PSD3: variants seen among roughly 807,000 people sequenced by gnomAD.
PSD3 encodes the protein PH and SEC7 domain-containing protein 3.
A neutral mutation model predicts 105.5 loss-of-function variants in PSD3; 49 were observed. That is an observed-to-expected ratio of 0.46 (90% CI 0.37 to 0.59). PSD3 has a LOEUF of 0.59. PSD3 is among the 20% of genes least tolerant of loss of function. PSD3 has a pLI of 0.00. For synonymous variants in PSD3, 557 were observed against 457.8 expected (o/e 1.22, Z -2.77); for missense variants, 1,561 against 1,263.8 (o/e 1.24, Z -3.57).
At chr8:18,752,627 A>C (rs1463244819) in intron 9 of PSD3, among the ~76,000 whole-genome samples, 1 of 74,366 alleles carries the variant, frequency 1.3e-5, no homozygotes, top group Non-Finnish European at 2.2e-5. Context: ...AATATATATT[A>C]TATATAATAT....
intron 9 of PSD3, among the ~76,000 whole-genome samples, chr8:18,693,449 C>G (rs1786681243): frequency 6.6e-6 from 1 of 152,196 alleles, no homozygotes; most frequent in African/African-American, 2.4e-5. Flanking sequence ...CTATATTTCA[C>G]TTAAAAACAG....
intron 10 of PSD3, among the ~76,000 whole-genome samples, chr8:18,646,617 T>A (rs1259252909): frequency 6.6e-6 from 1 of 151,916 alleles, no homozygotes; most frequent in Non-Finnish European, 1.5e-5. Context: ...AAAACTTAAA[T>A]GAAAGGCGAC....
chr8:19,037,496 G>T (rs1395515), intron 1 of PSD3, among the ~76,000 whole-genome samples: 12 of 152,274 alleles, frequency 7.9e-5, no homozygotes, highest in African/African-American at 2.9e-4. Flanking sequence ...CCACAAAGCT[G>T]GTAAAAAATT....
rs543781197 is a variant in PSD3 at position 18,990,010 on chromosome 8, C to T, written c.21+23553G>A. ...ATCTATGTCATTCTTCCTTTCCTTA[C>T]ACCCCATCAATCATCAGGTTCTGTT... On this transcript the variant is annotated intron_variant, in intron 1 of 15. Transcript: ENST00000327040. 2.0e-3 allele frequency among the ~76,000 whole-genome samples: 298 copies of T among 146,574 alleles called. 2 individuals carry two copies. The highest frequency in any genetic ancestry group is 3.5e-3 in the South Asian group (16 of 4,618).
chr8:18,541,620 C>G lies in PSD3; in HGVS notation c.2929-5662G>C, dbSNP rs1800153958. ...TCTGTTGTCAAGATGCCACACGTGTCAGATCCTCAACAGTGCACTGAGGTA... is the reference window on the plus strand; with the variant it reads ...TCTGTTGTCAAGATGCCACACGTGTGAGATCCTCAACAGTGCACTGAGGTA... On this transcript the variant is annotated intron_variant, in intron 15 of 15. Coordinates refer to ENST00000327040, the MANE Select transcript of PSD3 (RefSeq NM_015310.4). Among the ~76,000 whole-genome samples, 3 of 152,194 alleles carry G rather than the reference C, an allele frequency of 2.0e-5. No individual in the cohort carries two copies. In the South Asian group the frequency reaches 6.2e-4, roughly 32 times the overall value.
rs551387052 is a variant in PSD3, at chr8:18,549,571, C to T, written c.2928+6638G>A. 2.6e-5 allele frequency among the ~76,000 whole-genome samples: 4 copies of T among 152,268 alleles called. 1 individual carries two copies. The South Asian group carries it at 8.3e-4, about 32-fold the overall frequency. ...CTTCTCCACTGGACTCATGGATTCC[C>T]ACAAATGTACTCTTGTCTGTGGTAT... On this transcript the variant is annotated intron_variant, in intron 15 of 15. Coordinates refer to ENST00000327040, the MANE Select transcript of PSD3 (RefSeq NM_015310.4).
intron 11 of PSD3, among the ~76,000 whole-genome samples, chr8:18,604,668 C>G (rs148360631): frequency 1.3e-5 from 2 of 152,160 alleles, no homozygotes; most frequent in East Asian, 3.8e-4. Flanking sequence ...ATTTCAGAGA[C>G]CTTCACAGCA....
chr8:18,700,014 T>C (rs564119964), intron 9 of PSD3, among the ~76,000 whole-genome samples: 25 of 152,182 alleles, frequency 1.6e-4, no homozygotes, highest in Non-Finnish European at 3.1e-4. Context: ...ATAAAATTCC[T>C]GGGAAAAAAT....
chr8:18,566,971 C>T (rs577533334), intron 14 of PSD3, among the ~76,000 whole-genome samples: 20 of 152,240 alleles, frequency 1.3e-4, no homozygotes, highest in African/African-American at 4.6e-4. Context: ...TTCATTTTCA[C>T]GTACATATCA....
intron 2 of PSD3, among the ~76,000 whole-genome samples, chr8:18,933,953 C>A (rs1334374323): frequency 6.6e-6 from 1 of 152,168 alleles, no homozygotes; most frequent in East Asian, 1.9e-4. Context: ...GAAACACATT[C>A]TCCTCTAAAT....
intron 15 of PSD3, among the ~76,000 whole-genome samples, chr8:18,554,472 A>T (rs1485319791): frequency 1.3e-5 from 2 of 152,244 alleles, no homozygotes; most frequent in Non-Finnish European, 2.9e-5. Flanking sequence ...ACCAAAATAA[A>T]TAGTTCTCTT....
At chr8:19,069,087 C>T (rs921193788) in intron 1 of PSD3, among the ~76,000 whole-genome samples, 2 of 152,186 alleles carry the variant, frequency 1.3e-5, no homozygotes, top group African/African-American at 4.8e-5. Context: ...TTGTTTTAAA[C>T]TGTCTAAATT....
rs184339819 is a variant in PSD3 at position 18,769,213 on chromosome 8, C to G, written c.2083-3675G>C. ...CTAGGTAACAAATCTTTTTCCAAGT[C>G]AGGTGGTGTTTAATTCTTTGCTTTA... On this transcript the variant is annotated intron_variant, in intron 8 of 15. Coordinates refer to ENST00000327040, the MANE Select transcript of PSD3 (RefSeq NM_015310.4). Among the ~76,000 whole-genome samples the G allele has an allele frequency of 3.7e-3, 563 of 152,236 alleles. 7 individuals are homozygous for G. The highest frequency in any genetic ancestry group is 2.9e-3 in the Non-Finnish European group (199 of 68,018).
At chr8:18,892,348 C>T (rs886738392) in intron 2 of PSD3, among the ~76,000 whole-genome samples, 5 of 151,702 alleles carry the variant, frequency 3.3e-5, no homozygotes, top group African/African-American at 4.8e-5. Flanking sequence ...CTCAGCCTCC[C>T]GAGTAGCTGG....
intron 10 of PSD3, among the ~76,000 whole-genome samples, chr8:18,648,999 G>A (rs1808265870): frequency 6.6e-6 from 1 of 152,256 alleles, no homozygotes; most frequent in African/African-American, 2.4e-5. Context: ...TGGATATCCA[G>A]GCAGACATCT....
At chr8:18,907,649 T>C (rs529898915) in intron 2 of PSD3, among the ~76,000 whole-genome samples, 2 of 152,368 alleles carry the variant, frequency 1.3e-5, no homozygotes, top group South Asian at 2.1e-4. Context: ...GTGTCTCATA[T>C]ACCATATAAT....
chr8:18,603,242 G>A (rs1358140678), intron 11 of PSD3, among the ~76,000 whole-genome samples: 1 of 151,548 alleles, frequency 6.6e-6, no homozygotes, highest in Non-Finnish European at 1.5e-5. Context: ...AAGCTTTTAG[G>A]GTTTTGATTC....
At chr8:18,819,496 C>T (rs1325961329) in intron 4 of PSD3, among the ~76,000 whole-genome samples, 2 of 151,036 alleles carry the variant, frequency 1.3e-5, no homozygotes, top group African/African-American at 4.9e-5. Flanking sequence ...TTTGGCAAAA[C>T]TATGTAAATA....
chr8:18,950,595 T>A (rs944716674), intron 1 of PSD3, among the ~76,000 whole-genome samples: 9 of 152,148 alleles, frequency 5.9e-5, no homozygotes, highest in African/African-American at 1.9e-4. Flanking sequence ...AGTTCAACTG[T>A]TTTAGAGCCC....
Sources: gnomAD v4.1 joint callset for allele counts (sites outside exome capture counted in the v4.1 genomes callset) on GRCh38, gnomAD v4.1.1 for gene constraint, MANE v1.5 for transcripts, NCBI Gene and HGNC (gene_info 2026-07-23, HGNC 2026-07-21) for gene names.